The following RUNX1 variants were observed in gnomAD, a reference collection of about 807,000 sequenced individuals.
RUNX1 encodes the protein runt-related transcription factor 1.
Under a neutral mutation model 42.8 loss-of-function variants are expected in RUNX1, and 19 were observed. The observed-to-expected ratio is 0.44, with a 90% CI of 0.31 to 0.65. RUNX1 has a LOEUF of 0.65. Among genes scored for constraint, RUNX1 ranks in the 30% least tolerant of loss-of-function variants. The pLI is 0.07. For synonymous variants in RUNX1, 271 were observed against 289.4 expected, an observed-to-expected ratio of 0.94 and a Z score of 0.64; for missense variants, 528 against 672.0, an observed-to-expected ratio of 0.79 and a Z score of 2.37.
chr21:34,983,052 G>C (rs1380573260), intron 2 of RUNX1, among the ~76,000 whole-genome samples: 1 of 152,098 alleles, frequency 6.6e-6, no homozygotes, highest in South Asian at 2.1e-4. Context: ...CATCCTTTTT[G>C]GTTCTTTCTC....
At chr21:34,994,984 G>A (rs541518332) in intron 2 of RUNX1, among the ~76,000 whole-genome samples, 10 of 152,346 alleles carry the variant, frequency 6.6e-5, no homozygotes, top group African/African-American at 2.2e-4. Flanking sequence ...AGACAGGCCC[G>A]TGAACAGGGT....
chr21:35,044,088 T>C (rs894782730), intron 2 of RUNX1, among the ~76,000 whole-genome samples: 1 of 152,238 alleles, frequency 6.6e-6, no homozygotes, highest in Non-Finnish European at 1.5e-5. Flanking sequence ...TTGAATTTCA[T>C]AAAGGGCTCT....
intron 7 of RUNX1, among the ~76,000 whole-genome samples, chr21:34,814,839 C>T (rs181095339): frequency 3.3e-5 from 5 of 152,096 alleles, no homozygotes; most frequent in Admixed American, 6.5e-5. Context: ...CTCAGCACCT[C>T]GGGGTCTTTG....
chr21:34,847,751 C>T (rs760693164), intron 6 of RUNX1, among the ~76,000 whole-genome samples: 1 of 152,148 alleles, frequency 6.6e-6, no homozygotes, highest in African/African-American at 2.4e-5. Context: ...ATCACCTCTC[C>T]CTCAAGGAAG....
intron 6 of RUNX1, among the ~76,000 whole-genome samples, chr21:34,845,366 C>T (rs1243275822): frequency 6.6e-6 from 1 of 152,224 alleles, no homozygotes; most frequent in Non-Finnish European, 1.5e-5. Flanking sequence ...CCAGGACAGC[C>T]TTCTGTCCGG....
At chr21:34,825,356 GCT>G (rs1355134184) in intron 7 of RUNX1, among the ~76,000 whole-genome samples, 1 of 152,166 alleles carries the variant, frequency 6.6e-6, no homozygotes, top group Admixed American at 6.5e-5. Context: ...AGGGAAGAGA[GCT>G]CTTTCTCTAT....
rs1569110430 is a variant in RUNX1 at position 34,930,297 on chromosome 21, A to ATATGT, written c.59-37335_59-37334insACATA. On this transcript the variant is annotated intron_variant, in intron 2 of 8. Coordinates refer to ENST00000675419, the MANE Select transcript of RUNX1 (RefSeq NM_001754.5). ...ATATATATATATATATATATAAATA[A>ATATGT]ATAAATAAAATTTTACAACTAACAT... Among the ~76,000 whole-genome samples the ATATGT allele has an allele frequency of 1.1e-4, 15 of 131,064 alleles. 1 individual carries two copies. The highest frequency in any genetic ancestry group is 5.4e-4 in the African/African-American group (15 of 27,628). 86.0% of individuals were successfully genotyped at this position (131,064 alleles called of 152,430 possible). A position where few individuals can be genotyped will look rare whatever the true frequency, so the allele number is the denominator to read the frequency against.
chr21:35,007,108 G>C (rs1873143627), intron 2 of RUNX1, among the ~76,000 whole-genome samples: 1 of 152,364 alleles, frequency 6.6e-6, no homozygotes, highest in Non-Finnish European at 1.5e-5. Context: ...AAGAGAAAGA[G>C]TGTAAGCTAT....
chr21:35,018,429 T>C (rs771380250), intron 2 of RUNX1, among the ~76,000 whole-genome samples: 4 of 152,192 alleles, frequency 2.6e-5, no homozygotes, highest in Non-Finnish European at 5.9e-5. Flanking sequence ...TGCCAACACT[T>C]TGATCCCAGA....
chr21:34,859,274 C>G (rs1399428946), intron 6 of RUNX1, 200 bp downstream of exon 6: 4 of 613,070 alleles, frequency 6.5e-6, no homozygotes, highest in Non-Finnish European at 1.2e-5. Flanking sequence ...TAAAAGGATG[C>G]TTCAAAAAGA....
intron 2 of RUNX1, among the ~76,000 whole-genome samples, chr21:35,022,924 C>T (rs1469744518): frequency 6.8e-5 from 5 of 73,662 alleles, no homozygotes; most frequent in South Asian, 3.3e-4. Context: ...AATAATAAGG[C>T]GGAGATTATT....
chr21:34,790,328 T>C lies in RUNX1; in HGVS notation c.*1807A>G, dbSNP rs546666432. On this transcript the variant is annotated 3_prime_UTR_variant, in exon 9 of 9. Coordinates refer to ENST00000675419, the MANE Select transcript of RUNX1 (RefSeq NM_001754.5). ...TGCCTAATTTGAATGCTTAAATTTA[T>C]AAAATAAAAATCAAACACTGTTCTG... The C allele has an allele frequency of 8.6e-6, 2 of 233,652 alleles. No homozygotes were observed. The highest frequency in any genetic ancestry group is 4.4e-5 in the African/African-American group (2 of 45,474). 14.5% of individuals were successfully genotyped at this position (233,652 alleles called of 1,614,324 possible).
At chr21:34,809,448 A>G (rs1166765544) in intron 7 of RUNX1, among the ~76,000 whole-genome samples, 1 of 151,972 alleles carries the variant, frequency 6.6e-6, no homozygotes, top group Non-Finnish European at 1.5e-5. Flanking sequence ...CTCAAGTGGG[A>G]GCTGGGAAGC....
intron 6 of RUNX1, among the ~76,000 whole-genome samples, chr21:34,857,453 T>C (rs887442348): frequency 9.2e-5 from 14 of 152,226 alleles, no homozygotes; most frequent in African/African-American, 3.4e-4. Context: ...CAGGAAATGC[T>C]GGCAGTGAGG....
At position 34,788,729 on chromosome 21, in the gene RUNX1, C is replaced by T. The variant is rs2056399607; in HGVS notation, c.*3406G>A. Reference sequence around the variant, plus strand: ...GGCTAAAAACAAAATTCCCAACAAACACACAAAAATCCCAAAACAAATGTA... The same window carrying T: ...GGCTAAAAACAAAATTCCCAACAAATACACAAAAATCCCAAAACAAATGTA... On this transcript the variant is annotated 3_prime_UTR_variant, in exon 9 of 9. Coordinates refer to ENST00000675419, the MANE Select transcript of RUNX1 (RefSeq NM_001754.5). 1 of 233,408 alleles carries T rather than the reference C, an allele frequency of 4.3e-6. No individual in the cohort carries two copies. The highest frequency in any genetic ancestry group is 2.2e-5 in the African/African-American group (1 of 45,332). The allele number at this position is 233,408 out of a possible 1,614,324, so 14.5% of individuals were successfully genotyped here.
At chr21:34,999,735 G>A (rs1401698315) in intron 2 of RUNX1, among the ~76,000 whole-genome samples, 1 of 152,212 alleles carries the variant, frequency 6.6e-6, no homozygotes, top group Non-Finnish European at 1.5e-5. Flanking sequence ...TGGAAAATGA[G>A]TGGAAGACCT....
intron 4 of RUNX1, among the ~76,000 whole-genome samples, chr21:34,880,943 T>C (rs1479227394): frequency 6.6e-6 from 1 of 152,218 alleles, no homozygotes; most frequent in Non-Finnish European, 1.5e-5. Context: ...GTTTGCAATT[T>C]TTAACTCCAA....
chr21:34,813,816 C>T (rs1183522510), intron 7 of RUNX1, among the ~76,000 whole-genome samples: 1 of 152,052 alleles, frequency 6.6e-6, no homozygotes, highest in Non-Finnish European at 1.5e-5. Flanking sequence ...GAGCAGAAAG[C>T]AACCTCCGAG....
At chr21:34,955,132 A>G (rs1293419082) in intron 2 of RUNX1, among the ~76,000 whole-genome samples, 1 of 152,106 alleles carries the variant, frequency 6.6e-6, no homozygotes, top group East Asian at 1.9e-4. Context: ...TTGCACAGAA[A>G]ACCTGCATCA....
Sources: allele counts gnomAD v4.1 joint callset (sites outside exome capture counted in the v4.1 genomes callset), GRCh38; gene constraint gnomAD v4.1.1; transcripts MANE v1.5; gene names NCBI Gene and HGNC (gene_info 2026-07-23, HGNC 2026-07-21).